TPSD1: variants seen among roughly 807,000 people sequenced by gnomAD.
TPSD1 encodes tryptase delta 1, also known as tryptase delta.
A neutral mutation model predicts 25.4 loss-of-function variants in TPSD1; 30 were observed. The ratio of observed to expected loss-of-function variants is 1.18; its 90% CI spans 0.88 to 1.60. TPSD1 has a LOEUF of 1.60. Ranked by LOEUF, TPSD1 falls within the 40% of genes most tolerant of loss-of-function variation. The pLI, the probability that TPSD1 is intolerant of heterozygous loss-of-function variation, is 0.00. For synonymous variants in TPSD1, 176 were observed against 149.4 expected (o/e 1.18, Z -1.30); for missense variants, 420 against 324.2 (o/e 1.30, Z -2.27).
Position 1,256,350 on chromosome 16 carries a change from T to G in TPSD1, c.70T>G (p.Tyr24Asp), listed in dbSNP as rs1452898043. 6.2e-7 allele frequency: 1 copy of G among 1,613,038 alleles called. No homozygotes were observed. The highest frequency in any genetic ancestry group is 8.5e-7 in the Non-Finnish European group (1 of 1,179,698). ...LALPVLASPA[Y>D]VAPAPGQALQ... ...GCTGCCCGTCCTGGCGAGCCCGGCCTACGTGGCCCCTGGTGAGTCCCAGCC... is the reference window on the plus strand; with the variant it reads ...GCTGCCCGTCCTGGCGAGCCCGGCCGACGTGGCCCCTGGTGAGTCCCAGCC... The change falls in exon 1 of 5, where the codon TAC becomes GAC. Residue 24 changes from tyrosine to aspartate, a missense_variant. Coordinates refer to ENST00000211076, the MANE Select transcript of TPSD1 (RefSeq NM_012217.3).
rs2031029962 is a variant in TPSD1 at position 1,258,597 on chromosome 16, CCCCATCCTGAGTCCCCTCT to C, written c.*233_*251del. ...GGTGGTGACTGCCCCCCACACCTTC[CCCCATCCTGAGTCCCCTCT>C]CCCATCCTGAGCCCTGTCCCCTGTC... On this transcript the variant is annotated 3_prime_UTR_variant, in exon 5 of 5. Transcript: ENST00000211076. 7 of 1,396,712 alleles carry C rather than the reference CCCCATCCTGAGTCCCCTCT, an allele frequency of 5.0e-6. No homozygotes were observed. In the African/African-American group the frequency reaches 7.3e-5, roughly 14 times the overall value. 86.5% of individuals were successfully genotyped at this position (1,396,712 alleles called of 1,614,324 possible). A position where few individuals can be genotyped will look rare whatever the true frequency, so the allele number is the denominator to read the frequency against.
Position 1,256,603 on chromosome 16 carries a change from T to C in TPSD1, c.170T>C (p.Val57Ala), listed in dbSNP as rs755630390. 135 of 1,612,608 alleles carry C rather than the reference T, an allele frequency of 8.4e-5. 1 individual carries two copies. In the Admixed American group the frequency reaches 2.2e-3, roughly 26 times the overall value. ...TGGCCCTGGCAGGTGAGCCTGAGAG[T>C]CCGCGGCCCATACTGGATGCACTTC... ...SKWPWQVSLR[V>A]RGPYWMHFCG... The change falls in exon 2 of 5, where the codon GTC becomes GCC. Residue 57 changes from valine to alanine, a missense_variant. Transcript: ENST00000211076.
Position 1,258,627 on chromosome 16 carries a change from G to T in TPSD1, c.*251G>T, listed in dbSNP as rs1300421837. On this transcript the variant is annotated 3_prime_UTR_variant, in exon 5 of 5. Coordinates refer to ENST00000211076, the MANE Select transcript of TPSD1 (RefSeq NM_012217.3). The stretch of plus-strand genomic sequence containing the variant: ...TCCTGAGTCCCCTCTCCCATCCTGA[G>T]CCCTGTCCCCTGTCCTGAGCCCCCT... 4 of 933,822 alleles carry T rather than the reference G, an allele frequency of 4.3e-6. No individual in the cohort carries two copies. Among genetic ancestry groups the T allele is most frequent in the Non-Finnish European group, 6.0e-6 (4 of 670,576 alleles). The allele number at this position is 933,822 out of a possible 1,614,324, so 57.8% of individuals were successfully genotyped here. A position where few individuals can be genotyped will look rare whatever the true frequency, so the allele number is the denominator to read the frequency against.
rs779488351 is a variant in TPSD1, at chr16:1,258,228, C to T, written c.684+6C>T. 2 of 1,612,098 alleles carry T rather than the reference C, an allele frequency of 1.2e-6. No homozygotes were observed. Among genetic ancestry groups the T allele is most frequent in the Non-Finnish European group, 1.7e-6 (2 of 1,179,788 alleles). On this transcript the variant is annotated splice_donor_region_variant and intron_variant, in intron 4 of 4. Coordinates refer to ENST00000211076, the MANE Select transcript of TPSD1 (RefSeq NM_012217.3). The stretch of plus-strand genomic sequence containing the variant: ...AAAATCACGACTCCTGCCAGGTGGG[C>T]CCTCGCGTCCCCCACCCCAATCCCC...
Position 1,256,608 on chromosome 16 carries a change from G to T in TPSD1, c.175G>T (p.Gly59Cys). 1.2e-6 allele frequency: 2 copies of T among 1,612,962 alleles called. No individual in the cohort carries two copies. Among genetic ancestry groups the T allele is most frequent in the Non-Finnish European group, 1.7e-6 (2 of 1,179,764 alleles). Residue 59 changes from glycine to cysteine, a missense_variant, in exon 2 of 5, where the codon GGC becomes TGC. Transcript: ENST00000211076. ...WPWQVSLRVR[G>C]PYWMHFCGGS... ...CTGGCAGGTGAGCCTGAGAGTCCGC[G>T]GCCCATACTGGATGCACTTCTGCGG... is the stretch of plus-strand genomic sequence containing the variant.
rs2030955313 is a variant in TPSD1 at position 1,256,186 on chromosome 16, C to T, written c.-95C>T. On this transcript the variant is annotated 5_prime_UTR_variant, in exon 1 of 5. Coordinates refer to ENST00000211076, the MANE Select transcript of TPSD1 (RefSeq NM_012217.3). ...GAGCACCAAGACCCAGGCCCGCAGG[C>T]CTGGACCCACCCCGGTCCCCCCGTC... 2 of 1,580,358 alleles carry T rather than the reference C, an allele frequency of 1.3e-6. No individual in the cohort carries two copies. Among genetic ancestry groups the T allele is most frequent in the Non-Finnish European group, 1.7e-6 (2 of 1,159,530 alleles).
chr16:1,258,475 C>T lies in TPSD1; in HGVS notation c.*99C>T. On this transcript the variant is annotated 3_prime_UTR_variant, in exon 5 of 5. Coordinates refer to ENST00000211076, the MANE Select transcript of TPSD1 (RefSeq NM_012217.3). ...CCTACTACTTGGACTGGATCCACCA[C>T]TATGTCCCCAAGAAGCCCTGAGCCA... 1.9e-6 allele frequency: 3 copies of T among 1,613,552 alleles called. No individual in the cohort carries two copies. Among genetic ancestry groups the T allele is most frequent in the Non-Finnish European group, 2.5e-6 (3 of 1,179,814 alleles).
chr16:1,257,899 G>A, intron 3 of TPSD1, 160 bp from the exon 4 acceptor site: 1 of 749,408 alleles, frequency 1.3e-6, no homozygotes, highest in Admixed American at 2.9e-5. Flanking sequence ...CCTCAGCGGA[G>A]GGGCCTGGAC....
Position 1,256,898 on chromosome 16 carries a change from AG to A in TPSD1, c.357del (p.Gln119HisfsTer20). The A allele has an allele frequency of 1.2e-6, 2 of 1,613,940 alleles. No individual in the cohort carries two copies. The highest frequency in any genetic ancestry group is 8.5e-7 in the Non-Finnish European group (1 of 1,180,032). ...LPVSRIIVHP[Q>X]FYIIQTGADI... Reference sequence around the variant, plus strand: ...GTCAGCAGGATCATCGTGCACCCACAGTTCTACATCATCCAGACCGGGGCGG... The same window carrying A: ...GTCAGCAGGATCATCGTGCACCCACATTCTACATCATCCAGACCGGGGCGG... On this transcript the variant is annotated frameshift_variant, in exon 3 of 5. Coordinates refer to ENST00000211076, the MANE Select transcript of TPSD1 (RefSeq NM_012217.3). LOFTEE classifies it high-confidence loss of function.
chr16:1,256,681 T>C lies in TPSD1; in HGVS notation c.248T>C (p.Val83Ala), dbSNP rs1211052318. 1 of 1,611,496 alleles carries C rather than the reference T, an allele frequency of 6.2e-7. No individual in the cohort carries two copies. Among genetic ancestry groups the C allele is most frequent in the East Asian group, 2.2e-5 (1 of 44,874 alleles). ...PQWVLTAAHC[V>A]EPDIKDLAAL... ...TGGGTGCTAACCGCGGCGCACTGCG[T>C]GGAACCGTGAGTCTCCTGGGGCCTG... Residue 83 changes from valine to alanine, a missense_variant, in exon 2 of 5, where the codon GTG (valine) becomes GCG (alanine). Val to Ala is a moderately conservative substitution (Grantham distance 64). Coordinates refer to ENST00000211076, the MANE Select transcript of TPSD1 (RefSeq NM_012217.3).
rs143814068 is a variant in TPSD1, at chr16:1,258,105, A to G, written c.567A>G (p.Val189=). Residue 189 remains valine, a synonymous_variant, in exon 4 of 5, where the codon GTA becomes GTG. Coordinates refer to ENST00000211076, the MANE Select transcript of TPSD1 (RefSeq NM_012217.3). ...CGCTGAAGGAGGTGGAAGTCCCCGT[A>G]GTGGAAAACCACCTTTGCAACGCGG... is the stretch of plus-strand genomic sequence containing the variant. ...PYPLKEVEVP[V]VENHLCNAEY... 62 of 1,604,624 alleles carry G rather than the reference A, an allele frequency of 3.9e-5. No individual in the cohort carries two copies. The African/African-American group carries it at 5.7e-4, about 15-fold the overall frequency.
intron 2 of TPSD1, 34 bp downstream of exon 2, chr16:1,256,721 G>C: frequency 1.2e-6 from 2 of 1,611,794 alleles, no homozygotes; most frequent in Non-Finnish European, 1.7e-6. Context: ...GGTGGGCAAG[G>C]GCTGGATGTG....
Position 1,258,159 on chromosome 16 carries a change from C to T in TPSD1, c.621C>T (p.His207=), listed in dbSNP as rs771037491. The change falls in exon 4 of 5, where the codon CAC becomes CAT. Residue 207 remains histidine, a synonymous_variant. Coordinates refer to ENST00000211076, the MANE Select transcript of TPSD1 (RefSeq NM_012217.3). The stretch of plus-strand genomic sequence containing the variant: ...ATCACACCGGCCTCCATACGGGCCA[C>T]AGCTTTCAAATCGTCCGCGATGACA... ...AEYHTGLHTG[H]SFQIVRDDML... 2 of 1,612,894 alleles carry T rather than the reference C, an allele frequency of 1.2e-6. No individual in the cohort carries two copies. The highest frequency in any genetic ancestry group is 1.1e-5 in the South Asian group (1 of 90,990).
rs751809591 is a variant in TPSD1, at chr16:1,256,909, A to G, written c.367A>G (p.Ile123Val). ...CATCGTGCACCCACAGTTCTACATC[A>G]TCCAGACCGGGGCGGACATCGCCCT... Reference protein sequence around the residue: ...RIIVHPQFYIIQTGADIALLE... With the variant: ...RIIVHPQFYIVQTGADIALLE... The change falls in exon 3 of 5, where the codon ATC (isoleucine) becomes GTC (valine). Residue 123 changes from isoleucine to valine, a missense_variant. Coordinates refer to ENST00000211076, the MANE Select transcript of TPSD1 (RefSeq NM_012217.3). The G allele has an allele frequency of 4.3e-6, 7 of 1,613,940 alleles. No homozygotes were observed. The South Asian group carries it at 6.6e-5, about 15-fold the overall frequency.
rs756411096 is a variant in TPSD1 at position 1,256,780 on chromosome 16, G to A, written c.255-17G>A. 47 of 1,612,060 alleles carry A rather than the reference G, an allele frequency of 2.9e-5. No homozygotes were observed. The South Asian group carries it at 4.9e-4, about 17-fold the overall frequency. On this transcript the variant is annotated splice_polypyrimidine_tract_variant and intron_variant, in intron 2 of 4. Transcript: ENST00000211076. ...GGGGGCTGCCCAGGGCCCTGAGTGG[G>A]ATCCTCCGCTGCCCAGGGACATCAA... is the stretch of plus-strand genomic sequence containing the variant.
At position 1,258,316 on chromosome 16, in the gene TPSD1, C is replaced by G. The variant is rs1378129535; in HGVS notation, c.685-16C>G. The G allele has an allele frequency of 6.2e-7, 1 of 1,613,074 alleles. No individual in the cohort carries two copies. The highest frequency in any genetic ancestry group is 2.2e-5 in the East Asian group (1 of 44,874). On this transcript the variant is annotated splice_polypyrimidine_tract_variant and intron_variant, in intron 4 of 4. Coordinates refer to ENST00000211076, the MANE Select transcript of TPSD1 (RefSeq NM_012217.3). ...CCGAAGCCTGGCCAGCGAGCACTGA[C>G]CTCTGACCTTCCCAGGGTGACTCTG... is the stretch of plus-strand genomic sequence containing the variant.
At position 1,258,373 on chromosome 16, in the gene TPSD1, C is replaced by T; in HGVS notation, c.726C>T (p.Thr242=). 2 of 1,613,722 alleles carry T rather than the reference C, an allele frequency of 1.2e-6. No individual in the cohort carries two copies. The highest frequency in any genetic ancestry group is 1.7e-6 in the Non-Finnish European group (2 of 1,179,914). The change falls in exon 5 of 5, where the codon ACC becomes ACT. Residue 242 remains threonine, a synonymous_variant. Transcript: ENST00000211076. ...GGPLVCKVNG[T] ...CCCTGGTCTGCAAGGTGAATGGCAC[C>T]TAACTGCAGGCGGGCGTGGTCAGCT...
In TPSD1 at chr16:1,258,232, C is replaced by T. The variant is rs377728647; in HGVS notation, c.684+10C>T. 14 of 1,612,774 alleles carry T rather than the reference C, an allele frequency of 8.7e-6. No homozygotes were observed. Among genetic ancestry groups the T allele is most frequent in the African/African-American group, 4.0e-5 (3 of 74,900 alleles). ...TCACGACTCCTGCCAGGTGGGCCCT[C>T]GCGTCCCCCACCCCAATCCCCGGAG... On this transcript the variant is annotated intron_variant, in intron 4 of 4. Transcript: ENST00000211076.
rs374354482 is a variant in TPSD1 at position 1,256,342 on chromosome 16, G to T, written c.62G>T (p.Ser21Ile). 6 of 1,613,140 alleles carry T rather than the reference G, an allele frequency of 3.7e-6. No individual in the cohort carries two copies. The Admixed American group carries it at 5.0e-5, about 13-fold the overall frequency. ...LLLLALPVLASPAYVAPAPGQ... is the reference protein window; with the variant it reads ...LLLLALPVLAIPAYVAPAPGQ... ...CTGCTGGCGCTGCCCGTCCTGGCGA[G>T]CCCGGCCTACGTGGCCCCTGGTGAG... Residue 21 changes from serine to isoleucine, a missense_variant, in exon 1 of 5, where the codon AGC becomes ATC. Physicochemically the swap from Ser to Ile is moderately radical, Grantham distance 142 (BLOSUM62 -2). Coordinates refer to ENST00000211076, the MANE Select transcript of TPSD1 (RefSeq NM_012217.3).
Sources: gnomAD v4.1 joint callset for allele counts on GRCh38, gnomAD v4.1.1 for gene constraint, MANE v1.5 for transcripts, NCBI Gene and HGNC (gene_info 2026-07-23, HGNC 2026-07-21) for gene names.